Variants in CFAP57 observed in about 807,000 individuals in gnomAD.
The protein encoded by CFAP57 is cilia and flagella associated protein 57.
Under a neutral mutation model 146.8 loss-of-function variants are expected in CFAP57, and 116 were observed. The ratio of observed to expected loss-of-function variants is 0.79; its 90% CI spans 0.68 to 0.92. The LOEUF is 0.92. Ranked by LOEUF, CFAP57 falls within the 40% of genes least tolerant of loss-of-function variation. The pLI is 0.00. For missense variants in CFAP57, 1,377 were observed against 1,527.2 expected (o/e 0.90, Z 1.64); for synonymous variants, 518 against 552.8 (o/e 0.94, Z 0.88).
intron 21 of CFAP57, among the ~76,000 whole-genome samples, chr1:43,236,993 G>C (rs1645730909): frequency 6.6e-6 from 1 of 152,060 alleles, no homozygotes; most frequent in South Asian, 2.1e-4. Context: ...CAGTGGGAAA[G>C]CCTAGAAGCC....
At chr1:43,199,647 A>C in intron 9 of CFAP57, 144 bp downstream of exon 9, 1 of 739,582 alleles carries the variant, frequency 1.4e-6, no homozygotes, top group Non-Finnish European at 2.4e-6. Flanking sequence ...AATAAAACAA[A>C]TGCACAGACA....
At chr1:43,203,416 G>GA (rs200877678) in intron 9 of CFAP57, among the ~76,000 whole-genome samples, 6 of 150,370 alleles carry the variant, frequency 4.0e-5, no homozygotes, top group Admixed American at 6.6e-5. Flanking sequence ...GACACCACAA[G>GA]AAAAAAAAAT....
At chr1:43,212,950 AG>A (rs1432644833) in intron 11 of CFAP57, among the ~76,000 whole-genome samples, 41 of 90,988 alleles carry the variant, frequency 4.5e-4, no homozygotes, top group Non-Finnish European at 7.8e-4. Context: ...AAAAAAAAAA[AG>A]AAAGAAAGAA....
chr1:43,193,335 G>T (rs1643662851), intron 6 of CFAP57, among the ~76,000 whole-genome samples: 1 of 151,910 alleles, frequency 6.6e-6, no homozygotes. Context: ...TGATTGGATT[G>T]TTTAATCAGT....
intron 18 of CFAP57, among the ~76,000 whole-genome samples, chr1:43,227,458 T>C (rs1645291794): frequency 6.6e-6 from 1 of 152,248 alleles, no homozygotes; most frequent in African/African-American, 2.4e-5. Flanking sequence ...CAGTGTGTAC[T>C]CAGCCAACAG....
intron 2 of CFAP57, among the ~76,000 whole-genome samples, chr1:43,180,295 A>G (rs1645351367): frequency 6.7e-6 from 1 of 150,232 alleles, no homozygotes; most frequent in Admixed American, 6.7e-5. Flanking sequence ...ATACTTTATG[A>G]CTGTATTGGT....
At chr1:43,249,748 C>G (rs997320964) in intron 22 of CFAP57, among the ~76,000 whole-genome samples, 1 of 151,696 alleles carries the variant, frequency 6.6e-6, no homozygotes, top group Non-Finnish European at 1.5e-5. Flanking sequence ...CCTGGCCCAA[C>G]CATTTTCTTA....
chr1:43,190,480 C>T (rs952945075), intron 6 of CFAP57, among the ~76,000 whole-genome samples: 11 of 152,146 alleles, frequency 7.2e-5, no homozygotes, highest in Middle Eastern at 3.4e-3. Context: ...CCATGTTAGC[C>T]AGGATGGTCT....
In CFAP57 at chr1:43,234,425, C is replaced by T; in HGVS notation, c.3261+12C>T. 1.9e-6 allele frequency: 3 copies of T among 1,545,674 alleles called. No individual in the cohort carries two copies. Among genetic ancestry groups the T allele is most frequent in the Admixed American group, 2.0e-5 (1 of 50,506 alleles). On this transcript the variant is annotated intron_variant, in intron 20 of 22. Transcript: ENST00000372492. ...AGCGAGCAGACATGGTAAGCTCAGCCTCCCCTCCTGCCATGCACTGACCTC... is the reference window on the plus strand; with the variant it reads ...AGCGAGCAGACATGGTAAGCTCAGCTTCCCCTCCTGCCATGCACTGACCTC...
At chr1:43,232,919 C>T (rs1478037224) in intron 19 of CFAP57, among the ~76,000 whole-genome samples, 1 of 152,178 alleles carries the variant, frequency 6.6e-6, no homozygotes, top group Non-Finnish European at 1.5e-5. Flanking sequence ...AGTACGTGCT[C>T]AGAGAGGCAA....
chr1:43,236,635 C>T (rs1371211339), intron 21 of CFAP57, among the ~76,000 whole-genome samples: 6 of 142,672 alleles, frequency 4.2e-5, no homozygotes, highest in East Asian at 4.1e-4. Flanking sequence ...TCCAGCCGGG[C>T]GCAGTGGCTC....
At chr1:43,223,033 G>A (rs2124564713) in intron 16 of CFAP57, 36 bp downstream of exon 16, 7 of 1,524,878 alleles carry the variant, frequency 4.6e-6, no homozygotes, top group South Asian at 1.3e-5. Context: ...TAGGGTGGGC[G>A]AGGGTGTTGC....
At chr1:43,190,265 CTTTTTTTTTTTT>C (rs71036614) in intron 6 of CFAP57, among the ~76,000 whole-genome samples, 2 of 71,418 alleles carry the variant, frequency 2.8e-5, no homozygotes, top group Admixed American at 1.7e-4. Context: ...CATCCAGTCT[CTTTTTTTTTTTT>C]TTTTTTTTTT....
At chr1:43,233,570 A>G (rs1645561725) in intron 19 of CFAP57, among the ~76,000 whole-genome samples, 1 of 152,182 alleles carries the variant, frequency 6.6e-6, no homozygotes, top group Non-Finnish European at 1.5e-5. Context: ...CAGCAGCTGC[A>G]GAGCTATAAA....
intron 18 of CFAP57, among the ~76,000 whole-genome samples, chr1:43,231,735 G>A (rs999787028): frequency 6.6e-6 from 1 of 151,540 alleles, no homozygotes; most frequent in Non-Finnish European, 1.5e-5. Flanking sequence ...GGGCATGGTG[G>A]CAATTGCCTG....
intron 22 of CFAP57, among the ~76,000 whole-genome samples, chr1:43,246,636 T>C (rs1646124424): frequency 1.3e-5 from 2 of 152,176 alleles, no homozygotes; most frequent in Admixed American, 6.5e-5. Context: ...ATTTGGCGAA[T>C]GACACAAAAA....
chr1:43,200,052 A>G (rs1415065148), intron 9 of CFAP57, among the ~76,000 whole-genome samples: 3 of 152,146 alleles, frequency 2.0e-5, no homozygotes, highest in African/African-American at 7.2e-5. Context: ...CCGGATTTGC[A>G]TTTTGAAGGA....
chr1:43,206,625 A>C lies in CFAP57; in HGVS notation c.1543-95A>C. 5 of 1,240,744 alleles carry C rather than the reference A, an allele frequency of 4.0e-6. No homozygotes were observed. The South Asian group carries it at 4.9e-5, about 12-fold the overall frequency. 76.9% of individuals were successfully genotyped at this position (1,240,744 alleles called of 1,614,324 possible). ...TACAGCAGGAAAGGACGTTCTGCTC[A>C]GTCTAGTGGAGCACCTAAGGAGTTT... is the stretch of plus-strand genomic sequence containing the variant. On this transcript the variant is annotated intron_variant, in intron 9 of 22. Coordinates refer to ENST00000372492, the MANE Select transcript of CFAP57 (RefSeq NM_001378189.1).
intron 6 of CFAP57, among the ~76,000 whole-genome samples, chr1:43,190,743 G>A (rs955264704): frequency 6.6e-6 from 1 of 151,536 alleles, no homozygotes. Context: ...ATTATTGTGT[G>A]AGTTTTCGTT....
Sources: allele counts gnomAD v4.1 joint callset (sites outside exome capture counted in the v4.1 genomes callset), GRCh38; gene constraint gnomAD v4.1.1; transcripts MANE v1.5; gene names NCBI Gene and HGNC (gene_info 2026-07-23, HGNC 2026-07-21).